The following NRXN1 variants were observed in gnomAD, a reference collection of about 807,000 sequenced individuals.
The protein encoded by NRXN1 is neurexin 1, also known as neurexin-1.
A neutral mutation model predicts 150.9 loss-of-function variants in NRXN1; 39 were observed. The ratio of observed to expected loss-of-function variants is 0.26; its 90% CI spans 0.20 to 0.34. NRXN1 has a LOEUF of 0.34. NRXN1 is among the 10% of genes least tolerant of loss of function. The pLI, the probability that NRXN1 is intolerant of heterozygous loss-of-function variation, is 1.00. For missense variants in NRXN1, 1,815 were observed against 1,949.9 expected, an observed-to-expected ratio of 0.93 and a Z score of 1.30; for synonymous variants, 924 against 757.0, an observed-to-expected ratio of 1.22 and a Z score of -3.62.
chr2:50,294,023 TA>T (rs1440870561), intron 17 of NRXN1, among the ~76,000 whole-genome samples: 1 of 152,226 alleles, frequency 6.6e-6, no homozygotes, highest in African/African-American at 2.4e-5. Flanking sequence ...CAGAGAATTC[TA>T]AAACTGCTTT....
intron 5 of NRXN1, among the ~76,000 whole-genome samples, chr2:50,868,141 TTATATATATATATA>T (rs70958631): frequency 0.013 from 1,143 of 87,704 alleles, 44 homozygotes; most frequent in African/African-American, 0.052. Flanking sequence ...AAACAAAATA[TTATATATATATATA>T]TATATATATA....
chr2:50,664,273 C>A (rs1687700681), intron 5 of NRXN1, among the ~76,000 whole-genome samples: 1 of 151,938 alleles, frequency 6.6e-6, no homozygotes, highest in African/African-American at 2.4e-5. Context: ...AACTAAGGAA[C>A]AAACAGCATG....
chr2:51,004,770 A>G (rs1433785940), intron 2 of NRXN1, among the ~76,000 whole-genome samples: 1 of 152,060 alleles, frequency 6.6e-6, no homozygotes, highest in Non-Finnish European at 1.5e-5. Context: ...GGGAATGCCC[A>G]GTACTGGGAG....
At chr2:50,857,301 G>T (rs1675412069) in intron 5 of NRXN1, among the ~76,000 whole-genome samples, 3 of 152,026 alleles carry the variant, frequency 2.0e-5, no homozygotes, top group African/African-American at 7.2e-5. Flanking sequence ...GGATAGTGGG[G>T]TGGGGGAAAT....
chr2:49,944,264 G>A (rs181801618), intron 21 of NRXN1, among the ~76,000 whole-genome samples: 2 of 152,266 alleles, frequency 1.3e-5, no homozygotes, highest in Admixed American at 1.3e-4. Context: ...GCTTGTTATT[G>A]GAGGAAACAC....
At chr2:49,966,475 A>C (rs1191896502) in intron 21 of NRXN1, 1 of 152,042 alleles carries the variant, frequency 6.6e-6, no homozygotes, top group Non-Finnish European at 1.5e-5. Context: ...CAACAAAATG[A>C]AAAGCAGCCT....
chr2:50,179,709 T>C (rs1021196571), intron 18 of NRXN1, among the ~76,000 whole-genome samples: 24 of 152,154 alleles, frequency 1.6e-4, no homozygotes, highest in African/African-American at 4.8e-4. Context: ...GTTTAAATTG[T>C]TACCCTTTTT....
At position 50,461,131 on chromosome 2, in the gene NRXN1, T is replaced by G. The variant is rs112954386; in HGVS notation, c.3364+4311A>C. Among the ~76,000 whole-genome samples, 1,437 of 152,182 alleles carry G rather than the reference T, an allele frequency of 9.4e-3. 26 individuals carry two copies. Among genetic ancestry groups the G allele is most frequent in the African/African-American group, 0.032 (1,334 of 41,552 alleles). On this transcript the variant is annotated intron_variant, in intron 17 of 22. Coordinates refer to ENST00000401669, the MANE Select transcript of NRXN1 (RefSeq NM_001330078.2). Reference sequence around the variant, plus strand: ...AAGCTGAGAAACAAAGCTGAAGATATTTTTAAATGTCATGGTAAAAAGTCA... The same window carrying G: ...AAGCTGAGAAACAAAGCTGAAGATAGTTTTAAATGTCATGGTAAAAAGTCA...
chr2:50,496,628 C>A (rs1238110020), intron 14 of NRXN1, among the ~76,000 whole-genome samples: 3 of 152,096 alleles, frequency 2.0e-5, no homozygotes, highest in Non-Finnish European at 4.4e-5. Context: ...CTTTTCTTTT[C>A]TTTTCTGTTT....
chr2:50,933,970 C>T (rs1688150949), intron 2 of NRXN1, among the ~76,000 whole-genome samples: 1 of 152,022 alleles, frequency 6.6e-6, no homozygotes, highest in African/African-American at 2.4e-5. Flanking sequence ...TCTATGACTA[C>T]CGGCAAGTCT....
chr2:50,688,850 T>C (rs1305312163), intron 5 of NRXN1, among the ~76,000 whole-genome samples: 1 of 152,198 alleles, frequency 6.6e-6, no homozygotes, highest in Non-Finnish European at 1.5e-5. Context: ...TGCCATGGGC[T>C]TGCGGCTGCT....
chr2:50,147,967 G>A (rs891372183), intron 18 of NRXN1, among the ~76,000 whole-genome samples: 1 of 151,522 alleles, frequency 6.6e-6, no homozygotes, highest in Non-Finnish European at 1.5e-5. Context: ...GGGTTGAGTG[G>A]GGCATCTATA....
intron 17 of NRXN1, among the ~76,000 whole-genome samples, chr2:50,356,328 A>C (rs1334353792): frequency 1.3e-5 from 2 of 152,208 alleles, no homozygotes; most frequent in Non-Finnish European, 1.5e-5. Context: ...CAATTATTCC[A>C]ATAGTTCAAG....
chr2:50,899,561 G>A (rs1682581985), intron 5 of NRXN1, among the ~76,000 whole-genome samples: 1 of 152,072 alleles, frequency 6.6e-6, no homozygotes, highest in Non-Finnish European at 1.5e-5. Context: ...AAGATTACCA[G>A]AGAGAAAATT....
chr2:50,970,733 T>C (rs1192966175), intron 2 of NRXN1, among the ~76,000 whole-genome samples: 1 of 152,074 alleles, frequency 6.6e-6, no homozygotes, highest in Non-Finnish European at 1.5e-5. Flanking sequence ...GGTCGTTATG[T>C]TTAAAATACG....
intron 5 of NRXN1, among the ~76,000 whole-genome samples, chr2:50,657,382 T>G (rs1686647381): frequency 6.6e-6 from 1 of 152,068 alleles, no homozygotes; most frequent in Non-Finnish European, 1.5e-5. Flanking sequence ...TTGCTTTATT[T>G]TTCTCCATAA....
At chr2:49,937,936 T>C (rs1671334305) in intron 22 of NRXN1, among the ~76,000 whole-genome samples, 1 of 152,242 alleles carries the variant, frequency 6.6e-6, no homozygotes, top group African/African-American at 2.4e-5. Flanking sequence ...TTGTTCAATA[T>C]ACATATCTTT....
At chr2:50,485,789 G>A (rs963164490) in intron 15 of NRXN1, among the ~76,000 whole-genome samples, 1 of 152,224 alleles carries the variant, frequency 6.6e-6, no homozygotes, top group African/African-American at 2.4e-5. Context: ...ATGAACCCAA[G>A]AATGCACCAG....
At chr2:50,667,540 G>A (rs945346948) in intron 5 of NRXN1, among the ~76,000 whole-genome samples, 1 of 151,968 alleles carries the variant, frequency 6.6e-6, no homozygotes, top group Non-Finnish European at 1.5e-5. Context: ...GACCAGGATA[G>A]AATGTAATAT....
Sources: gnomAD v4.1 joint callset for allele counts (sites outside exome capture counted in the v4.1 genomes callset) on GRCh38, gnomAD v4.1.1 for gene constraint, MANE v1.5 for transcripts, NCBI Gene and HGNC (gene_info 2026-07-23, HGNC 2026-07-21) for gene names.